The following CDH13 variants were observed in gnomAD, a reference collection of about 807,000 sequenced individuals.
CDH13 encodes the protein cadherin-13.
Under a neutral mutation model 63.8 loss-of-function variants are expected in CDH13, and 24 were observed. The observed-to-expected ratio is 0.38, with a 90% CI of 0.27 to 0.53. The LOEUF is 0.53. Ranked by LOEUF, CDH13 falls within the 20% of genes least tolerant of loss-of-function variation. CDH13 has a pLI of 0.85. For missense variants in CDH13, 1,049 were observed against 903.1 expected (o/e 1.16, Z -2.07); for synonymous variants, 503 against 355.3 (o/e 1.42, Z -4.67).
intron 7 of CDH13, among the ~76,000 whole-genome samples, chr16:83,559,416 A>C (rs1166346234): frequency 6.6e-6 from 1 of 152,074 alleles, no homozygotes; most frequent in Admixed American, 6.5e-5. Context: ...TACTAAAAAT[A>C]TGAAATTAGC....
chr16:82,872,808 C>T (rs972652017), intron 2 of CDH13, among the ~76,000 whole-genome samples: 2 of 152,210 alleles, frequency 1.3e-5, no homozygotes, highest in African/African-American at 2.4e-5. Context: ...CCCTACCACT[C>T]ATTTAGCCAA....
chr16:83,698,062 G>A (rs570389822), intron 10 of CDH13, among the ~76,000 whole-genome samples: 15 of 152,330 alleles, frequency 9.8e-5, no homozygotes, highest in Admixed American at 4.6e-4. Flanking sequence ...TTGAGGGCAC[G>A]GACCATGTTG....
chr16:82,987,223 A>C (rs992945713), intron 2 of CDH13, among the ~76,000 whole-genome samples: 3 of 152,122 alleles, frequency 2.0e-5, no homozygotes, highest in African/African-American at 4.8e-5. Flanking sequence ...TGGTTCTTCC[A>C]GTTACTGCTG....
intron 11 of CDH13, among the ~76,000 whole-genome samples, chr16:83,759,260 C>G (rs1484078740): frequency 6.6e-6 from 1 of 152,122 alleles, no homozygotes; most frequent in Non-Finnish European, 1.5e-5. Flanking sequence ...GTTTCTGATT[C>G]TAACAAGGAA....
intron 3 of CDH13, among the ~76,000 whole-genome samples, chr16:83,093,735 C>T (rs2034047542): frequency 6.6e-6 from 1 of 152,190 alleles, no homozygotes; most frequent in African/African-American, 2.4e-5. Flanking sequence ...CTTGTACCTC[C>T]ACTCCCTTCT....
intron 3 of CDH13, among the ~76,000 whole-genome samples, chr16:83,041,493 C>T (rs907826327): frequency 2.0e-5 from 3 of 151,734 alleles, no homozygotes; most frequent in African/African-American, 7.3e-5. Context: ...TAAAATATAT[C>T]GTCAATTGCC....
chr16:83,108,500 G>T lies in CDH13; in HGVS notation c.367-16885G>T, dbSNP rs933258915. On this transcript the variant is annotated intron_variant, in intron 3 of 13. Transcript: ENST00000567109. ...TCCCGCCTCATAGATTGAATCCCAGGTTACCACAGAAACAAGAGAGGCCAG... is the reference window on the plus strand; with the variant it reads ...TCCCGCCTCATAGATTGAATCCCAGTTTACCACAGAAACAAGAGAGGCCAG... Among the ~76,000 whole-genome samples, 42 of 152,292 alleles carry T rather than the reference G, an allele frequency of 2.8e-4. 1 individual carries two copies. The highest frequency in any genetic ancestry group is 9.6e-4 in the African/African-American group (40 of 41,558).
At chr16:83,260,337 T>C (rs1406540843) in intron 5 of CDH13, among the ~76,000 whole-genome samples, 1 of 152,170 alleles carries the variant, frequency 6.6e-6, no homozygotes, top group Admixed American at 6.5e-5. Context: ...TCTGCAAAAA[T>C]ACTTAAGTGG....
intron 1 of CDH13, among the ~76,000 whole-genome samples, chr16:82,770,482 G>C (rs762418671): frequency 2.6e-5 from 4 of 152,012 alleles, no homozygotes; most frequent in Non-Finnish European, 5.9e-5. Flanking sequence ...TTTTTTTATA[G>C]TTTGACTCAT....
At chr16:82,934,792 C>T (rs1181181975) in intron 2 of CDH13, among the ~76,000 whole-genome samples, 4 of 152,230 alleles carry the variant, frequency 2.6e-5, no homozygotes, top group Non-Finnish European at 5.9e-5. Flanking sequence ...ACCTTTGCTT[C>T]AGTTCTCAAC....
chr16:83,794,955 CT>C (rs1904274996), intron 13 of CDH13, 67 bp from the exon 14 acceptor site: 1 of 1,460,670 alleles, frequency 6.8e-7, no homozygotes, highest in Non-Finnish European at 9.4e-7. Flanking sequence ...ATTTTTCTGG[CT>C]TTTAGCTAAA....
chr16:83,001,622 T>C (rs1456348795), intron 2 of CDH13, among the ~76,000 whole-genome samples: 1 of 152,238 alleles, frequency 6.6e-6, no homozygotes, highest in Non-Finnish European at 1.5e-5. Flanking sequence ...CTGGCAGCCA[T>C]GTTAATGGAT....
intron 1 of CDH13, among the ~76,000 whole-genome samples, chr16:82,645,472 G>A (rs1326642414): frequency 1.3e-5 from 2 of 152,068 alleles, no homozygotes; most frequent in East Asian, 3.9e-4. Context: ...AGACATGCTT[G>A]TTTTTCACAA....
intron 2 of CDH13, among the ~76,000 whole-genome samples, chr16:82,956,381 C>A (rs992341946): frequency 6.6e-6 from 1 of 152,124 alleles, no homozygotes; most frequent in African/African-American, 2.4e-5. Context: ...CTCCAAATGG[C>A]AGCTGAAGGA....
At chr16:83,188,060 A>G (rs80163978) in intron 4 of CDH13, among the ~76,000 whole-genome samples, 3,648 of 152,272 alleles carry the variant, frequency 0.024, 106 homozygotes, top group South Asian at 0.11. Flanking sequence ...GGAATGTTAG[A>G]TAGGAGAAAA....
chr16:82,822,406 T>TG (rs1191878578), intron 1 of CDH13, among the ~76,000 whole-genome samples: 1 of 152,188 alleles, frequency 6.6e-6, no homozygotes, highest in African/African-American at 2.4e-5. Context: ...TGCCTGTCTT[T>TG]GAGGGGATGC....
chr16:83,515,885 T>C (rs1598201509), intron 7 of CDH13, among the ~76,000 whole-genome samples: 1 of 152,292 alleles, frequency 6.6e-6, no homozygotes, highest in East Asian at 1.9e-4. Flanking sequence ...AAATTTAATC[T>C]TTATATAGGA....
intron 4 of CDH13, among the ~76,000 whole-genome samples, chr16:83,190,945 C>T (rs1425522115): frequency 6.6e-6 from 1 of 151,936 alleles, no homozygotes; most frequent in Non-Finnish European, 1.5e-5. Context: ...GACCATTTCT[C>T]AGTTGGCTCA....
intron 6 of CDH13, among the ~76,000 whole-genome samples, chr16:83,352,027 T>G (rs562863881): frequency 6.6e-6 from 1 of 152,302 alleles, no homozygotes; most frequent in Non-Finnish European, 1.5e-5. Context: ...AGGAATGCAG[T>G]GGTTGAGACT....
Sources: allele counts gnomAD v4.1 joint callset (sites outside exome capture counted in the v4.1 genomes callset), GRCh38; gene constraint gnomAD v4.1.1; transcripts MANE v1.5; gene names NCBI Gene and HGNC (gene_info 2026-07-23, HGNC 2026-07-21).